OSBPL1A: variants seen among roughly 807,000 people sequenced by gnomAD.
OSBPL1A encodes oxysterol-binding protein-related protein 1.
OSBPL1A carries 80 observed loss-of-function variants against 137.1 expected under a neutral mutation model. The ratio of observed to expected loss-of-function variants is 0.58; its 90% CI spans 0.49 to 0.70. The LOEUF (loss-of-function observed/expected upper bound fraction) is 0.70. Among genes scored for constraint, OSBPL1A ranks in the 30% least tolerant of loss-of-function variants. OSBPL1A has a pLI of 0.00. For synonymous variants in OSBPL1A, 365 were observed against 389.7 expected (o/e 0.94, Z 0.75); for missense variants, 970 against 1,129.4 (o/e 0.86, Z 2.02).
chr18:24,309,731 CA>C (rs2090577986), intron 13 of OSBPL1A, among the ~76,000 whole-genome samples: 1 of 152,114 alleles, frequency 6.6e-6, no homozygotes, highest in African/African-American at 2.4e-5. Flanking sequence ...AACCAGTCTC[CA>C]GATGTTGAGA....
intron 15 of OSBPL1A, among the ~76,000 whole-genome samples, chr18:24,241,416 TAAAC>T (rs2088687188): frequency 6.6e-6 from 1 of 151,972 alleles, no homozygotes; most frequent in Admixed American, 6.6e-5. Context: ...ACAATGAACT[TAAAC>T]AAATTTACAA....
chr18:24,337,320 C>A (rs1035451668), intron 5 of OSBPL1A, among the ~76,000 whole-genome samples: 1 of 150,938 alleles, frequency 6.6e-6, no homozygotes, highest in Non-Finnish European at 1.5e-5. Flanking sequence ...TATATTGAGG[C>A]CTTTTCTCTA....
chr18:24,269,877 C>T (rs1270802683), intron 15 of OSBPL1A, among the ~76,000 whole-genome samples: 2 of 151,912 alleles, frequency 1.3e-5, no homozygotes, highest in African/African-American at 2.4e-5. Flanking sequence ...CACACACACA[C>T]ACACACACCA....
intron 14 of OSBPL1A, among the ~76,000 whole-genome samples, chr18:24,293,125 A>AAAAAAAAAAAAAAAAAAAAAAAAAAG (rs200624581): frequency 7.3e-5 from 6 of 82,054 alleles, no homozygotes; most frequent in Admixed American, 1.2e-4. Context: ...AAAAAAAAAA[A>AAAAAAAAAAAAAAAAAAAAAAAAAAG]AAAGAAAAGA....
At chr18:24,236,236 G>C (rs995020426) in intron 16 of OSBPL1A, among the ~76,000 whole-genome samples, 1 of 152,150 alleles carries the variant, frequency 6.6e-6, no homozygotes, top group African/African-American at 2.4e-5. Context: ...ATACAATATT[G>C]AAAGTGTAGG....
intron 14 of OSBPL1A, among the ~76,000 whole-genome samples, chr18:24,287,720 C>T (rs951512965): frequency 2.6e-5 from 4 of 151,212 alleles, no homozygotes; most frequent in Non-Finnish European, 4.4e-5. Flanking sequence ...TGTAGTGAGC[C>T]GAGATCGTGC....
intron 17 of OSBPL1A, among the ~76,000 whole-genome samples, chr18:24,205,513 T>C (rs2087342765): frequency 6.6e-6 from 1 of 152,236 alleles, no homozygotes; most frequent in Non-Finnish European, 1.5e-5. Flanking sequence ...GTGTGCATTA[T>C]GTGGTCAAAT....
intron 17 of OSBPL1A, among the ~76,000 whole-genome samples, chr18:24,216,646 C>G (rs903030089): frequency 6.6e-6 from 1 of 152,140 alleles, no homozygotes; most frequent in Non-Finnish European, 1.5e-5. Context: ...TCTTAAATTC[C>G]AGTTTCAAAG....
chr18:24,265,968 T>C (rs1388290589), intron 15 of OSBPL1A, among the ~76,000 whole-genome samples: 1 of 152,236 alleles, frequency 6.6e-6, no homozygotes, highest in Non-Finnish European at 1.5e-5. Flanking sequence ...GTGCACAAGT[T>C]CCTTTTAAGA....
At position 24,227,885 on chromosome 18, in the gene OSBPL1A, A is replaced by C. The variant is rs77623100; in HGVS notation, c.1445-2687T>G. 5.8e-3 allele frequency among the ~76,000 whole-genome samples: 879 copies of C among 152,354 alleles called. 9 individuals are homozygous for C. The highest frequency in any genetic ancestry group is 0.02 in the African/African-American group (833 of 41,576). ...GATTTAGAAGTCATGAAAATCATAA[A>C]GCAATGAAGCAAAATACCTCAAGCA... On this transcript the variant is annotated intron_variant, in intron 16 of 27. Transcript: ENST00000319481.
rs8084140 is a variant in OSBPL1A at position 24,294,632 on chromosome 18, C to T, written c.1174+9005G>A. On this transcript the variant is annotated intron_variant, in intron 14 of 27. Coordinates refer to ENST00000319481, the MANE Select transcript of OSBPL1A (RefSeq NM_080597.4). ...CTGCATCCTCAAAGCTTAGCTCCCA[C>T]TTATAAATGAGAACAAATGGTTTTT... Among the ~76,000 whole-genome samples the T allele has an allele frequency of 1.5e-3, 235 of 152,296 alleles. 1 individual carries two copies. The highest frequency in any genetic ancestry group is 5.2e-3 in the African/African-American group (216 of 41,566).
At chr18:24,211,680 T>G (rs2087549613) in intron 17 of OSBPL1A, among the ~76,000 whole-genome samples, 1 of 151,434 alleles carries the variant, frequency 6.6e-6, no homozygotes, top group Non-Finnish European at 1.5e-5. Context: ...AAAAAAAAAT[T>G]CGGCCAGGCG....
intron 1 of OSBPL1A, among the ~76,000 whole-genome samples, chr18:24,388,464 GT>G (rs141018311): frequency 1.1e-4 from 17 of 149,598 alleles, no homozygotes; most frequent in Non-Finnish European, 1.3e-4. Context: ...AAAATTAACA[GT>G]TTTTTTTTTC....
Position 24,172,468 on chromosome 18 carries a change from A to G in OSBPL1A, c.2109T>C (p.Tyr703=). 1 of 1,613,620 alleles carries G rather than the reference A, an allele frequency of 6.2e-7. No homozygotes were observed. The highest frequency in any genetic ancestry group is 8.5e-7 in the Non-Finnish European group (1 of 1,179,596). The change falls in exon 22 of 28, where the codon TAT becomes TAC. Residue 703 remains tyrosine (Y), a synonymous_variant. Transcript: ENST00000319481. ...CACAGCAGGTGGGATTTGTCCATGT[A>G]TATGCCTCATTGTGTCTAAAAAACA... ...TLELLEHNEA[Y]TWTNPTCCVH...
intron 18 of OSBPL1A, among the ~76,000 whole-genome samples, chr18:24,194,160 G>C (rs2086964018): frequency 6.6e-6 from 1 of 152,144 alleles, no homozygotes; most frequent in South Asian, 2.1e-4. Context: ...ATTCTAAAGT[G>C]GCCAAAAAGA....
chr18:24,329,282 G>GCT (rs2091034371), intron 7 of OSBPL1A, among the ~76,000 whole-genome samples: 1 of 152,038 alleles, frequency 6.6e-6, no homozygotes, highest in Admixed American at 6.6e-5. Flanking sequence ...AGGTGCAGTG[G>GCT]CTCCCACCTG....
intron 16 of OSBPL1A, among the ~76,000 whole-genome samples, chr18:24,236,641 G>A (rs1405746871): frequency 1.3e-5 from 2 of 152,160 alleles, no homozygotes; most frequent in Non-Finnish European, 2.9e-5. Context: ...AAGGCAAGGA[G>A]AATATGCTTG....
intron 2 of OSBPL1A, among the ~76,000 whole-genome samples, chr18:24,373,336 G>A (rs1905823024): frequency 6.6e-6 from 1 of 152,210 alleles, no homozygotes; most frequent in Non-Finnish European, 1.5e-5. Context: ...ACAGAATTGT[G>A]TGTTGAGACT....
Position 24,259,063 on chromosome 18 carries a change from G to T in OSBPL1A, c.1282-19681C>A, listed in dbSNP as rs1441174765. On this transcript the variant is annotated intron_variant, in intron 15 of 27. Coordinates refer to ENST00000319481, the MANE Select transcript of OSBPL1A (RefSeq NM_080597.4). The stretch of plus-strand genomic sequence containing the variant: ...CGCCATTCTCCTGCCTTGGCCTCCC[G>T]AGTAGTGGGACTACGCCCAGCTAAT... Among the ~76,000 whole-genome samples, 7 of 151,046 alleles carry T rather than the reference G, an allele frequency of 4.6e-5. No individual in the cohort carries two copies. The Admixed American group carries it at 4.6e-4, about 10-fold the overall frequency.
Sources: allele counts gnomAD v4.1 joint callset (sites outside exome capture counted in the v4.1 genomes callset), GRCh38; gene constraint gnomAD v4.1.1; transcripts MANE v1.5; gene names NCBI Gene and HGNC (gene_info 2026-07-23, HGNC 2026-07-21).